Variants in TRIM42 observed in about 807,000 individuals in gnomAD.
TRIM42 encodes tripartite motif containing 42, also known as tripartite motif-containing protein 42.
TRIM42 carries 59 observed loss-of-function variants against 64.9 expected under a neutral mutation model. That is an observed-to-expected ratio of 0.91 (90% CI 0.74 to 1.13). The LOEUF is 1.13. TRIM42 is among the 50% of genes most tolerant of loss of function. The pLI, the probability that TRIM42 is intolerant of heterozygous loss-of-function variation, is 0.00. For missense variants in TRIM42, 878 were observed against 929.5 expected, an observed-to-expected ratio of 0.94 and a Z score of 0.72; for synonymous variants, 354 against 346.3, an observed-to-expected ratio of 1.02 and a Z score of -0.25.
chr3:140,684,210 A>T (rs1014359161), intron 2 of TRIM42, among the ~76,000 whole-genome samples: 4 of 152,238 alleles, frequency 2.6e-5, no homozygotes, highest in Non-Finnish European at 5.9e-5. Flanking sequence ...CAAAAAAAAA[A>T]TTAGGACAGG....
chr3:140,678,489 A>G lies in TRIM42; in HGVS notation c.260A>G (p.Asn87Ser), dbSNP rs1455826676. 6.2e-7 allele frequency: 1 copy of G among 1,614,122 alleles called. No homozygotes were observed. The highest frequency in any genetic ancestry group is 8.5e-7 in the Non-Finnish European group (1 of 1,180,010). Residue 87 changes from asparagine (N) to serine (S), a missense_variant, in exon 1 of 5, where the codon AAC becomes AGC. Asn to Ser is a conservative substitution (Grantham distance 46). Coordinates refer to ENST00000286349, the MANE Select transcript of TRIM42 (RefSeq NM_152616.5). ...TGCTGCACAGCCAGCAGCAATCTCA[A>G]CTGCTACTACTATGAGAGCCGCTGC... Reference protein sequence around the residue: ...KCCCTASSNLNCYYYESRCCR... With the variant: ...KCCCTASSNLSCYYYESRCCR...
rs1988611442 is a variant in TRIM42 at position 140,688,336 on chromosome 3, G to A, written c.1654G>A (p.Gly552Ser). 1 of 1,614,162 alleles carries A rather than the reference G, an allele frequency of 6.2e-7. No individual in the cohort carries two copies. The highest frequency in any genetic ancestry group is 8.5e-7 in the Non-Finnish European group (1 of 1,180,036). Residue 552 changes from glycine (G) to serine (S), a missense_variant, in exon 3 of 5, where the codon GGT becomes AGT. Coordinates refer to ENST00000286349, the MANE Select transcript of TRIM42 (RefSeq NM_152616.5). ...FSNTDKKAKV[G>S]LEACGRAQSA... is the part of the protein sequence containing the mutation. ...CAACACTGACAAGAAGGCCAAGGTGGGTCTGGAGGCCTGTGGGAGAGCCCA... is the reference window on the plus strand; with the variant it reads ...CAACACTGACAAGAAGGCCAAGGTGAGTCTGGAGGCCTGTGGGAGAGCCCA...
In TRIM42 at chr3:140,701,007, A is replaced by C; in HGVS notation, c.*33A>C. ...CAGAGCAGGAAACAACCTCAGACTC[A>C]TCACAAAGTAGACATATACACACAC... is the stretch of plus-strand genomic sequence containing the variant. On this transcript the variant is annotated 3_prime_UTR_variant, in exon 5 of 5. Transcript: ENST00000286349. The C allele has an allele frequency of 2.7e-5, 43 of 1,589,382 alleles. No homozygotes were observed. Among genetic ancestry groups the C allele is most frequent in the Non-Finnish European group, 3.5e-5 (41 of 1,158,750 alleles).
chr3:140,690,874 C>A, intron 3 of TRIM42, 94 bp from the exon 4 acceptor site: 1 of 1,038,912 alleles, frequency 9.6e-7, no homozygotes, highest in Non-Finnish European at 1.5e-6. Context: ...AGCTTAAACT[C>A]ACCCCACAGA....
chr3:140,689,675 C>A (rs1476806765), intron 3 of TRIM42, among the ~76,000 whole-genome samples: 1 of 151,864 alleles, frequency 6.6e-6, no homozygotes, highest in Non-Finnish European at 1.5e-5. Context: ...ACACAAAGAA[C>A]AACCCATACT....
chr3:140,695,916 C>T (rs965093075), intron 4 of TRIM42, among the ~76,000 whole-genome samples: 1 of 152,210 alleles, frequency 6.6e-6, no homozygotes, highest in African/African-American at 2.4e-5. Flanking sequence ...GGTTTGCATT[C>T]TTTATCTCCT....
Position 140,688,250 on chromosome 3 carries a change from G to A in TRIM42, c.1568G>A (p.Ser523Asn), listed in dbSNP as rs752146296. Reference protein sequence around the residue: ...ETMIARKVTFSTHSLGNQHIY... With the variant: ...ETMIARKVTFNTHSLGNQHIY... ...ATGATTGCCAGGAAGGTCACTTTCA[G>A]CACCCACAGCCTCGGCAACCAGCAC... The change falls in exon 3 of 5, where the codon AGC becomes AAC. Residue 523 changes from serine to asparagine, a missense_variant. By Grantham distance (46) the Ser-to-Asn change is conservative. Transcript: ENST00000286349. 3.7e-6 allele frequency: 6 copies of A among 1,614,146 alleles called. No homozygotes were observed. Among genetic ancestry groups the A allele is most frequent in the Non-Finnish European group, 5.1e-6 (6 of 1,180,030 alleles).
At chr3:140,694,485 T>C (rs1204077906) in intron 4 of TRIM42, among the ~76,000 whole-genome samples, 4 of 152,230 alleles carry the variant, frequency 2.6e-5, no homozygotes, top group Admixed American at 2.6e-4. Context: ...TTGACCATCA[T>C]ACCCATTTCT....
chr3:140,680,763 A>G, intron 1 of TRIM42: 1 of 953,560 alleles, frequency 1.0e-6, no homozygotes, highest in Non-Finnish European at 1.2e-6. Context: ...CCTAAGGGAC[A>G]AATTTTCCAG....
chr3:140,688,970 T>C (rs1988637184), intron 3 of TRIM42, among the ~76,000 whole-genome samples: 1 of 152,232 alleles, frequency 6.6e-6, no homozygotes, highest in Admixed American at 6.5e-5. Flanking sequence ...TCCGTTAAAT[T>C]GCTGCCTTTC....
At chr3:140,694,217 A>G (rs1213308697) in intron 4 of TRIM42, among the ~76,000 whole-genome samples, 1 of 152,224 alleles carries the variant, frequency 6.6e-6, no homozygotes, top group Non-Finnish European at 1.5e-5. Flanking sequence ...TTGAAAGTCA[A>G]GATTACGCAT....
chr3:140,692,927 T>C (rs1049370392), intron 4 of TRIM42, among the ~76,000 whole-genome samples: 1 of 152,252 alleles, frequency 6.6e-6, no homozygotes, highest in Admixed American at 6.5e-5. Flanking sequence ...TACCAAAGTA[T>C]GTCATCAGTC....
rs866558651 is a variant in TRIM42, at chr3:140,682,900, C to A, written c.780C>A (p.Asn260Lys). Residue 260 changes from asparagine (N) to lysine (K), a missense_variant, in exon 2 of 5, where the codon AAC becomes AAA. By Grantham distance (94) the Asn-to-Lys change is moderately conservative. Coordinates refer to ENST00000286349, the MANE Select transcript of TRIM42 (RefSeq NM_152616.5). Reference sequence around the variant, plus strand: ...TCACCTGCCGCCTCAACCTGTGCAACGACTGCCTCAAGGCCTTCCACTCGG... The same window carrying A: ...TCACCTGCCGCCTCAACCTGTGCAAAGACTGCCTCAAGGCCTTCCACTCGG... Reference protein sequence around the residue: ...RCITCRLNLCNDCLKAFHSDV... With the variant: ...RCITCRLNLCKDCLKAFHSDV... The A allele has an allele frequency of 1.2e-6, 2 of 1,614,232 alleles. No individual in the cohort carries two copies. Among genetic ancestry groups the A allele is most frequent in the Non-Finnish European group, 1.7e-6 (2 of 1,180,044 alleles).
intron 1 of TRIM42, among the ~76,000 whole-genome samples, chr3:140,681,369 C>T (rs188631890): frequency 0.011 from 1,629 of 152,298 alleles, 18 homozygotes; most frequent in South Asian, 0.032. Flanking sequence ...CATGGATTAC[C>T]TTTTAGACTT....
chr3:140,690,892 C>T, intron 3 of TRIM42, 76 bp from the exon 4 acceptor site: 1 of 1,247,428 alleles, frequency 8.0e-7, no homozygotes, highest in African/African-American at 1.5e-5. Context: ...AGATAGTCAA[C>T]ATCACAAATC....
chr3:140,698,427 A>G (rs1169129980), intron 4 of TRIM42, among the ~76,000 whole-genome samples: 1 of 152,214 alleles, frequency 6.6e-6, no homozygotes, highest in Non-Finnish European at 1.5e-5. Context: ...TTAGAGATCT[A>G]ACGTACAGCA....
rs200192337 is a variant in TRIM42, at chr3:140,682,533, G to A, written c.413G>A (p.Ser138Asn). 1.2e-6 allele frequency: 2 copies of A among 1,614,252 alleles called. No individual in the cohort carries two copies. Among genetic ancestry groups the A allele is most frequent in the Non-Finnish European group, 1.7e-6 (2 of 1,180,042 alleles). Residue 138 changes from serine to asparagine, a missense_variant, in exon 2 of 5, where the codon AGT (serine) becomes AAT (asparagine). Physicochemically the swap from Ser to Asn is conservative, Grantham distance 46. Coordinates refer to ENST00000286349, the MANE Select transcript of TRIM42 (RefSeq NM_152616.5). ...VDEVKSIPAN[S>N]HLVNHLNCPM... is the part of the protein sequence containing the mutation. The stretch of plus-strand genomic sequence containing the variant: ...GAAGTAAAGTCAATACCAGCCAACA[G>A]TCACCTGGTGAACCACCTCAATTGC...
At chr3:140,685,277 A>G (rs2107759086) in intron 2 of TRIM42, among the ~76,000 whole-genome samples, 1 of 152,318 alleles carries the variant, frequency 6.6e-6, no homozygotes, top group Middle Eastern at 3.4e-3. Context: ...CCATTCTAGA[A>G]GCTTTACTAA....
chr3:140,679,690 G>C (rs1988312721), intron 1 of TRIM42, among the ~76,000 whole-genome samples: 1 of 152,076 alleles, frequency 6.6e-6, no homozygotes, highest in Admixed American at 6.5e-5. Context: ...ATGGAAAATT[G>C]TGTCCACACT....
Sources: gnomAD v4.1 joint callset for allele counts (sites outside exome capture counted in the v4.1 genomes callset) on GRCh38, gnomAD v4.1.1 for gene constraint, MANE v1.5 for transcripts, NCBI Gene and HGNC (gene_info 2026-07-23, HGNC 2026-07-21) for gene names.